TANC2: variants seen among roughly 807,000 people sequenced by gnomAD.
TANC2 encodes tetratricopeptide repeat, ankyrin repeat and coiled-coil containing 2.
TANC2 carries 26 observed loss-of-function variants against 210.5 expected under a neutral mutation model. That is an observed-to-expected ratio of 0.12 (90% confidence interval 0.09 to 0.17). TANC2 has a LOEUF of 0.17. Among genes scored for constraint, TANC2 ranks in the 10% least tolerant of loss-of-function variants. The pLI is 1.00. For synonymous variants in TANC2, 931 were observed against 967.1 expected (o/e 0.96, Z 0.69); for missense variants, 2,129 against 2,608.9 (o/e 0.82, Z 4.01).
At chr17:63,304,998 T>A (rs2044852953) in intron 9 of TANC2, among the ~76,000 whole-genome samples, 6 of 152,180 alleles carry the variant, frequency 3.9e-5, no homozygotes. Context: ...CCAGGGAGCT[T>A]AGTGTGTTAG....
chr17:63,418,255 C>CT lies in TANC2; in HGVS notation c.4168-51dup, dbSNP rs2048924807. On this transcript the variant is annotated intron_variant, in intron 26 of 27. Coordinates refer to ENST00000689528, the Ensembl canonical transcript of TANC2. This position sits in a 1 kb window ranked among gnomAD's most constrained non-coding sequence, Gnocchi z 4.6. Reference sequence around the variant, plus strand: ...ATAATTTGTTTTATTCCCAAGTTGTCTATTTTTTATATCTCATCAATGACT... The same window carrying CT: ...ATAATTTGTTTTATTCCCAAGTTGTCTTATTTTTTATATCTCATCAATGACT... 3 of 1,525,730 alleles carry CT rather than the reference C, an allele frequency of 2.0e-6. No individual in the cohort carries two copies. The highest frequency in any genetic ancestry group is 2.7e-6 in the Non-Finnish European group (3 of 1,115,424). The allele number at this position is 1,525,730 out of a possible 1,614,324, so 94.5% of individuals were successfully genotyped here. A position where few individuals can be genotyped will look rare whatever the true frequency, so the allele number is the denominator to read the frequency against.
chr17:62,979,074 C>A (rs2032170414), intron 1 of TANC2, among the ~76,000 whole-genome samples: 1 of 151,904 alleles, frequency 6.6e-6, no homozygotes, highest in Non-Finnish European at 1.5e-5. Context: ...TTTTTTCATG[C>A]AGCATGTACA....
chr17:63,223,283 T>C (rs1201102808), intron 7 of TANC2, among the ~76,000 whole-genome samples: 1 of 152,208 alleles, frequency 6.6e-6, no homozygotes, highest in Non-Finnish European at 1.5e-5. Context: ...AGAAGGTTCT[T>C]GGCTTCTCTC....
intron 17 of TANC2, 118 bp downstream of exon 17, chr17:63,389,662 A>G (rs2047900197): frequency 1.0e-6 from 1 of 973,374 alleles, no homozygotes; most frequent in East Asian, 2.6e-5. Flanking sequence ...ACCATGATGG[A>G]GAGGAGATCA....
rs115488355 is a variant in TANC2, at chr17:63,205,773, G to A, written c.769+4816G>A. Among the ~76,000 whole-genome samples the A allele has an allele frequency of 3.7e-3, 567 of 151,976 alleles. 1 individual carries two copies. The highest frequency in any genetic ancestry group is 0.013 in the African/African-American group (518 of 41,420). Reference sequence around the variant, plus strand: ...TCTCTACTAAAGATATAAAAATTAGGCATGGTGGCACAAGCCTGTAATCCC... The same window carrying A: ...TCTCTACTAAAGATATAAAAATTAGACATGGTGGCACAAGCCTGTAATCCC... On this transcript the variant is annotated intron_variant, in intron 7 of 27. Coordinates refer to ENST00000689528, the Ensembl canonical transcript of TANC2.
At chr17:63,171,662 G>A (rs549790846) in intron 5 of TANC2, among the ~76,000 whole-genome samples, 22 of 152,258 alleles carry the variant, frequency 1.4e-4, no homozygotes, top group African/African-American at 4.1e-4. Context: ...ATTTTGAAAG[G>A]AATGTTGTTA....
chr17:63,237,140 G>A (rs148318849), intron 7 of TANC2, among the ~76,000 whole-genome samples: 2,152 of 152,038 alleles, frequency 0.014, 51 homozygotes, highest in African/African-American at 0.049. Flanking sequence ...CATCCTCACC[G>A]TCTGTTATTT....
At chr17:63,004,591 T>TA in intron 1 of TANC2, 3 of 133,282 alleles carry the variant, frequency 2.3e-5, no homozygotes, top group Non-Finnish European at 4.0e-5. Context: ...CAGCATAGCT[T>TA]TAAAAAAAAA....
intron 4 of TANC2, among the ~76,000 whole-genome samples, chr17:63,127,352 A>T (rs1162918043): frequency 6.6e-6 from 1 of 152,114 alleles, no homozygotes; most frequent in East Asian, 1.9e-4. Flanking sequence ...ACTTAATTTT[A>T]ATTTGACTTT....
At chr17:63,399,317 G>T (rs2048268043) in intron 19 of TANC2, 1 of 152,986 alleles carries the variant, frequency 6.5e-6, no homozygotes, top group South Asian at 2.1e-4. Context: ...TGTTAACCAG[G>T]ATGTTAAATT....
At chr17:63,309,900 A>G (rs967474201) in intron 9 of TANC2, among the ~76,000 whole-genome samples, 1 of 152,204 alleles carries the variant, frequency 6.6e-6, no homozygotes, top group Non-Finnish European at 1.5e-5. Flanking sequence ...AATATGAATA[A>G]GATAAAGTAA....
intron 1 of TANC2, among the ~76,000 whole-genome samples, chr17:63,007,545 T>A (rs2033675717): frequency 6.6e-6 from 1 of 152,200 alleles, no homozygotes; most frequent in Non-Finnish European, 1.5e-5. Context: ...TGTCTTACTT[T>A]CTTTGGTTTA....
intron 4 of TANC2, among the ~76,000 whole-genome samples, chr17:63,106,920 T>C (rs2037847298): frequency 6.6e-6 from 1 of 151,658 alleles, no homozygotes; most frequent in Non-Finnish European, 1.5e-5. Flanking sequence ...GTAAGTGTAG[T>C]ATTACTGTAT....
intron 5 of TANC2, among the ~76,000 whole-genome samples, chr17:63,183,373 A>G (rs1261027345): frequency 1.3e-5 from 2 of 152,172 alleles, no homozygotes; most frequent in African/African-American, 4.8e-5. Flanking sequence ...TTTTTTCTCT[A>G]TTTAGTAGTG....
At chr17:63,286,730 A>G (rs1229708642) in intron 9 of TANC2, among the ~76,000 whole-genome samples, 1 of 152,156 alleles carries the variant, frequency 6.6e-6, no homozygotes, top group Non-Finnish European at 1.5e-5. Context: ...AATTACAACT[A>G]TATTTGTCCA....
At chr17:63,393,411 A>G (rs900270508) in intron 17 of TANC2, 8 of 152,224 alleles carry the variant, frequency 5.3e-5, no homozygotes, top group African/African-American at 1.9e-4. Flanking sequence ...ACATTGTCCA[A>G]GAAAGTACAT....
In TANC2 at chr17:63,281,535, A is replaced by G. The variant is rs116128546; in HGVS notation, c.1159+13662A>G. ...AACCGAAGAGAATTTGAATCCGGCT[A>G]AGTTAACTTGAACAAAAATCAGCAT... On this transcript the variant is annotated intron_variant, in intron 9 of 27. Coordinates refer to ENST00000689528, the Ensembl canonical transcript of TANC2. 8.4e-3 allele frequency among the ~76,000 whole-genome samples: 1,284 copies of G among 152,230 alleles called. 15 individuals carry two copies. The highest frequency in any genetic ancestry group is 0.028 in the African/African-American group (1,176 of 41,556).
exon 17 of TANC2, chr17:63,389,473 A>G: frequency 1.2e-6 from 2 of 1,613,282 alleles, no homozygotes; most frequent in Non-Finnish European, 1.7e-6. Flanking sequence ...AAGTGGCCTG[A>G]CTCCCCTGGG....
At chr17:63,289,452 C>T (rs1055532623) in intron 9 of TANC2, among the ~76,000 whole-genome samples, 6 of 152,040 alleles carry the variant, frequency 3.9e-5, no homozygotes, top group African/African-American at 1.4e-4. Context: ...TGATTTTTAT[C>T]TATTAATAGA....
Sources: gnomAD v4.1 joint callset for allele counts (sites outside exome capture counted in the v4.1 genomes callset) on GRCh38, gnomAD v4.1.1 for gene constraint, Gnocchi (gnomAD v3.1) non-coding constraint, MANE v1.5 for transcripts, NCBI Gene and HGNC (gene_info 2026-07-23, HGNC 2026-07-21) for gene names.